The following CPNE8 variants were observed in gnomAD, a reference collection of about 807,000 sequenced individuals.
CPNE8 encodes the protein copine-8.
In CPNE8, 45 loss-of-function variants were observed where a neutral mutation model predicts 81.5. The ratio of observed to expected loss-of-function variants is 0.55; its 90% CI spans 0.44 to 0.71. CPNE8 has a LOEUF of 0.71. Ranked by LOEUF, CPNE8 falls within the 30% of genes least tolerant of loss-of-function variation. The pLI, the probability that CPNE8 is intolerant of heterozygous loss-of-function variation, is 0.00. For synonymous variants in CPNE8, 252 were observed against 226.3 expected (o/e 1.11, Z -1.02); for missense variants, 594 against 672.1 (o/e 0.88, Z 1.28).
At chr12:38,784,335 A>T (rs540085593) in intron 6 of CPNE8, among the ~76,000 whole-genome samples, 3 of 152,314 alleles carry the variant, frequency 2.0e-5, no homozygotes, top group African/African-American at 7.2e-5. Context: ...AAAAGAAAAA[A>T]GAATGAAAAA....
intron 6 of CPNE8, among the ~76,000 whole-genome samples, chr12:38,814,617 G>A (rs1055886465): frequency 1.6e-4 from 24 of 151,770 alleles, no homozygotes; most frequent in African/African-American, 4.4e-4. Flanking sequence ...ATTTAGGGTG[G>A]GCTATTTATG....
intron 1 of CPNE8, among the ~76,000 whole-genome samples, chr12:38,884,426 T>G (rs1944209730): frequency 6.6e-6 from 1 of 152,204 alleles, no homozygotes; most frequent in Admixed American, 6.5e-5. Flanking sequence ...ATATACTACT[T>G]TGGTTCATCG....
chr12:38,831,738 T>C (rs1298220624), intron 5 of CPNE8, among the ~76,000 whole-genome samples: 1 of 152,206 alleles, frequency 6.6e-6, no homozygotes, highest in Non-Finnish European at 1.5e-5. Context: ...AAACCTAAAT[T>C]TCTTTAAGTC....
In CPNE8 at chr12:38,859,587, T is replaced by A. The variant is rs75548148; in HGVS notation, c.187-10925A>T. Among the ~76,000 whole-genome samples the A allele has an allele frequency of 6.5e-3, 992 of 152,234 alleles. 45 individuals are homozygous for A. The East Asian group carries it at 0.13, about 19-fold the overall frequency. ...ATAGACAAAACAATCTTAAAATTCA[T>A]ATGGAACCACAAAAGATCCTGAATA... is the stretch of plus-strand genomic sequence containing the variant. On this transcript the variant is annotated intron_variant, in intron 3 of 19. Coordinates refer to ENST00000331366, the MANE Select transcript of CPNE8 (RefSeq NM_153634.3).
chr12:38,729,317 C>T (rs1940778801), intron 11 of CPNE8, among the ~76,000 whole-genome samples: 1 of 151,980 alleles, frequency 6.6e-6, no homozygotes, highest in Non-Finnish European at 1.5e-5. Flanking sequence ...CTCTTTCTGA[C>T]TGAGAAATTT....
intron 11 of CPNE8, among the ~76,000 whole-genome samples, chr12:38,730,056 A>G (rs933862567): frequency 5.9e-5 from 9 of 151,994 alleles, no homozygotes; most frequent in African/African-American, 2.2e-4. Flanking sequence ...CCATATTTTT[A>G]AAGTAAAATG....
At chr12:38,669,016 T>C (rs917051354) in intron 19 of CPNE8, among the ~76,000 whole-genome samples, 1 of 151,524 alleles carries the variant, frequency 6.6e-6, no homozygotes, top group Non-Finnish European at 1.5e-5. Context: ...ATCACACCAC[T>C]GCACTCCAGC....
chr12:38,879,706 CA>C (rs1944123104), intron 1 of CPNE8, among the ~76,000 whole-genome samples: 1 of 152,028 alleles, frequency 6.6e-6, no homozygotes, highest in African/African-American at 2.4e-5. Flanking sequence ...TATCCTTCCA[CA>C]GATGAAATTT....
At chr12:38,877,740 A>G (rs1429714032) in intron 1 of CPNE8, among the ~76,000 whole-genome samples, 1 of 152,160 alleles carries the variant, frequency 6.6e-6, no homozygotes, top group Non-Finnish European at 1.5e-5. Flanking sequence ...AAATAGCATA[A>G]CTAAAGCCGA....
chr12:38,663,386 C>T (rs913980072), intron 19 of CPNE8, among the ~76,000 whole-genome samples: 1 of 151,552 alleles, frequency 6.6e-6, no homozygotes, highest in Non-Finnish European at 1.5e-5. Context: ...CACAAATGGC[C>T]AAAAATAAAT....
At chr12:38,832,537 G>A (rs1943304700) in intron 5 of CPNE8, among the ~76,000 whole-genome samples, 1 of 152,132 alleles carries the variant, frequency 6.6e-6, no homozygotes, top group African/African-American at 2.4e-5. Flanking sequence ...CACTTCCCAG[G>A]CCTCTCCCTT....
chr12:38,787,050 T>C (rs1283483711), intron 6 of CPNE8, among the ~76,000 whole-genome samples: 2 of 152,144 alleles, frequency 1.3e-5, no homozygotes, highest in Non-Finnish European at 2.9e-5. Flanking sequence ...ACAGATCTTC[T>C]AGACAGAATA....
At chr12:38,741,938 T>A (rs1407403199) in intron 10 of CPNE8, among the ~76,000 whole-genome samples, 1 of 152,124 alleles carries the variant, frequency 6.6e-6, no homozygotes, top group Non-Finnish European at 1.5e-5. Context: ...CATCATCACT[T>A]GCCATCAGAG....
At chr12:38,750,612 G>A (rs758187552) in intron 10 of CPNE8, among the ~76,000 whole-genome samples, 1 of 152,176 alleles carries the variant, frequency 6.6e-6, no homozygotes, top group African/African-American at 2.4e-5. Context: ...TTTTGGACTT[G>A]CATGGGCCTG....
rs1288070348 is a variant in CPNE8, at chr12:38,735,161, T to C, written c.723-4803A>G. Among the ~76,000 whole-genome samples the C allele has an allele frequency of 2.0e-5, 3 of 152,198 alleles. No individual in the cohort carries two copies. In the East Asian group the frequency reaches 5.8e-4, roughly 29 times the overall value. On this transcript the variant is annotated intron_variant, in intron 10 of 19. Coordinates refer to ENST00000331366, the MANE Select transcript of CPNE8 (RefSeq NM_153634.3). ...TCTCATTTGTACTTCAGCGCAGTGA[T>C]TTCCCACATTTCCCTGTCTTGCAAT...
At chr12:38,776,755 C>T (rs1435033230) in intron 6 of CPNE8, among the ~76,000 whole-genome samples, 1 of 151,840 alleles carries the variant, frequency 6.6e-6, no homozygotes, top group Non-Finnish European at 1.5e-5. Flanking sequence ...CAGTAAGAAA[C>T]AGATTGCATA....
intron 18 of CPNE8, among the ~76,000 whole-genome samples, chr12:38,671,572 G>T (rs1332202872): frequency 1.3e-5 from 2 of 152,030 alleles, no homozygotes; most frequent in Admixed American, 1.3e-4. Context: ...ATTACATGAG[G>T]AATGCTAATT....
At chr12:38,800,978 G>A (rs1322360286) in intron 6 of CPNE8, among the ~76,000 whole-genome samples, 1 of 149,314 alleles carries the variant, frequency 6.7e-6, no homozygotes, top group Non-Finnish European at 1.5e-5. Flanking sequence ...AAAGAAATGA[G>A]CAAAGCCTCC....
chr12:38,712,205 ATTTTTT>A (rs200471171), intron 13 of CPNE8, among the ~76,000 whole-genome samples: 68 of 135,928 alleles, frequency 5.0e-4, no homozygotes, highest in African/African-American at 1.8e-3. Flanking sequence ...CAATGATGCC[ATTTTTT>A]TTTTTTTTTT....
Sources: allele counts gnomAD v4.1 joint callset (sites outside exome capture counted in the v4.1 genomes callset), GRCh38; gene constraint gnomAD v4.1.1; transcripts MANE v1.5; gene names NCBI Gene and HGNC (gene_info 2026-07-23, HGNC 2026-07-21).